CHD6: variants seen among roughly 807,000 people sequenced by gnomAD.
The protein encoded by CHD6 is chromodomain helicase DNA binding protein 6, also known as ATP-dependent chromatin remodeler CHD6.
In CHD6, 50 loss-of-function variants were observed where a neutral mutation model predicts 276.9. That is an observed-to-expected ratio of 0.18 (90% CI 0.14 to 0.23). CHD6 has a LOEUF of 0.23. Among genes scored for constraint, CHD6 ranks in the 10% least tolerant of loss-of-function variants. The pLI is 1.00. For synonymous variants in CHD6, 1,173 were observed against 1,229.3 expected, an observed-to-expected ratio of 0.95 and a Z score of 0.96; for missense variants, 2,564 against 3,365.8, an observed-to-expected ratio of 0.76 and a Z score of 5.89.
Position 41,413,418 on chromosome 20 carries a change from C to G in CHD6, c.7037G>C (p.Ser2346Thr). ...GGGAATGGATTTCTCGGCTTGGCTGCTGGCTGCCGTAGCTGGCTCAGGAGC... is the reference window on the plus strand; with the variant it reads ...GGGAATGGATTTCTCGGCTTGGCTGGTGGCTGCCGTAGCTGGCTCAGGAGC... ...TSAPEPATAA[S>T]SQAEKSIPSK... is the part of the protein sequence containing the mutation. Residue 2346 changes from serine (S) to threonine (T), a missense_variant, in exon 35 of 37, where the codon AGC (serine) becomes ACC (threonine). By Grantham distance (58) the Ser-to-Thr change is moderately conservative (BLOSUM62 1). Around this residue, in one of 7 missense-constraint regions of CHD6, gnomAD observed 1,024 missense variants for 1,047.9 expected, o/e 0.98. Coordinates refer to ENST00000373233, the MANE Select transcript of CHD6 (RefSeq NM_032221.5). 2 of 1,611,966 alleles carry G rather than the reference C, an allele frequency of 1.2e-6. No individual in the cohort carries two copies. The highest frequency in any genetic ancestry group is 2.2e-5 in the South Asian group (2 of 90,962).
In CHD6 at chr20:41,402,338, C is replaced by T. The variant is rs1356141301; in HGVS notation, c.*2255G>A. The T allele has an allele frequency of 4.4e-6, 1 of 228,088 alleles. No homozygotes were observed. The highest frequency in any genetic ancestry group is 8.7e-6 in the Non-Finnish European group (1 of 114,926). The allele number at this position is 228,088 out of a possible 1,614,324, so 14.1% of individuals were successfully genotyped here. On this transcript the variant is annotated 3_prime_UTR_variant, in exon 37 of 37. Coordinates refer to ENST00000373233, the MANE Select transcript of CHD6 (RefSeq NM_032221.5). ...GTCATATTCATTTTGCAAACAGGGT[C>T]ACAACAGCAGTCAAATAGAAGCCTG...
At chr20:41,426,303 T>C (rs2047362694) in intron 27 of CHD6, 150 bp from the exon 28 acceptor site, 2 of 668,856 alleles carry the variant, frequency 3.0e-6, no homozygotes, top group African/African-American at 3.6e-5. Flanking sequence ...TGATAAAGCT[T>C]ACTTCTGTAC....
chr20:41,491,568 A>ATTGATG (rs2043555938), intron 11 of CHD6, 130 bp downstream of exon 11: 2 of 965,286 alleles, frequency 2.1e-6, no homozygotes, highest in Non-Finnish European at 1.6e-6. Context: ...TAATGTGCAA[A>ATTGATG]GACTACCACC....
chr20:41,450,416 C>A (rs903117051), intron 23 of CHD6, among the ~76,000 whole-genome samples: 1 of 151,756 alleles, frequency 6.6e-6, no homozygotes, highest in East Asian at 1.9e-4. Flanking sequence ...CCCAAGTCCC[C>A]AAGACTAAAC....
At chr20:41,486,524 GAAGA>G (rs1221532449) in intron 14 of CHD6, among the ~76,000 whole-genome samples, 2 of 152,130 alleles carry the variant, frequency 1.3e-5, no homozygotes, top group African/African-American at 2.4e-5. Flanking sequence ...TCAGAAGTAG[GAAGA>G]AAGAGATTGG....
intron 30 of CHD6, among the ~76,000 whole-genome samples, chr20:41,423,089 A>G (rs1474274926): frequency 2.0e-5 from 3 of 152,224 alleles, no homozygotes; most frequent in Non-Finnish European, 2.9e-5. Context: ...TACTTTCTAT[A>G]GTTACAAGTC....
At chr20:41,489,635 A>C in intron 12 of CHD6, 143 bp downstream of exon 12, 2 of 1,017,066 alleles carry the variant, frequency 2.0e-6, no homozygotes, top group Admixed American at 2.0e-5. Flanking sequence ...CAGGGAGAGC[A>C]GGAGTCAGCC....
chr20:41,414,982 C>T, intron 34 of CHD6: 1 of 1,411,904 alleles, frequency 7.1e-7, no homozygotes, highest in Non-Finnish European at 9.2e-7. Context: ...TTTCTCCAGG[C>T]TGTAAGCAGA....
At chr20:41,532,699 G>C (rs1171967359) in intron 3 of CHD6, among the ~76,000 whole-genome samples, 1 of 152,124 alleles carries the variant, frequency 6.6e-6, no homozygotes, top group Admixed American at 6.5e-5. Flanking sequence ...ATGGGATATA[G>C]GGGGTACATC....
intron 17 of CHD6, among the ~76,000 whole-genome samples, chr20:41,461,281 G>A (rs529531089): frequency 5.9e-5 from 9 of 152,254 alleles, no homozygotes; most frequent in Admixed American, 2.6e-4. Context: ...TAAGACTTTC[G>A]GGGACTGTTG....
chr20:41,598,311 G>A (rs936738516), intron 1 of CHD6, among the ~76,000 whole-genome samples: 19 of 152,178 alleles, frequency 1.2e-4, no homozygotes, highest in African/African-American at 4.6e-4. Flanking sequence ...CAAACTACTA[G>A]TCTCTCCCTA....
At chr20:41,456,783 GA>G (rs988159479) in intron 18 of CHD6, among the ~76,000 whole-genome samples, 2 of 152,140 alleles carry the variant, frequency 1.3e-5, no homozygotes, top group African/African-American at 4.8e-5. Context: ...CCCAAAGGGG[GA>G]AAAATATTTT....
intron 3 of CHD6, among the ~76,000 whole-genome samples, chr20:41,522,783 G>A (rs2044436071): frequency 6.6e-6 from 1 of 152,116 alleles, no homozygotes; most frequent in Admixed American, 6.5e-5. Flanking sequence ...AGTGGATACT[G>A]TGTTTGGCAT....
chr20:41,446,811 ACAGAGGAACG>A (rs1460135267), intron 24 of CHD6, among the ~76,000 whole-genome samples: 1 of 152,184 alleles, frequency 6.6e-6, no homozygotes, highest in African/African-American at 2.4e-5. Flanking sequence ...GCAGTAAGAG[ACAGAGGAACG>A]CAGAGGAAGG....
intron 25 of CHD6, among the ~76,000 whole-genome samples, chr20:41,441,724 T>C (rs2047908283): frequency 6.6e-6 from 1 of 152,198 alleles, no homozygotes; most frequent in South Asian, 2.1e-4. Context: ...TGAGGAAGAA[T>C]GACTCTTTCA....
intron 27 of CHD6, among the ~76,000 whole-genome samples, chr20:41,433,227 A>G (rs1335726922): frequency 3.3e-5 from 5 of 152,232 alleles, no homozygotes; most frequent in Non-Finnish European, 7.3e-5. Context: ...AGAATGCTTC[A>G]CATTTAGCAA....
intron 1 of CHD6, among the ~76,000 whole-genome samples, chr20:41,606,120 G>C (rs1355817154): frequency 3.3e-5 from 5 of 152,204 alleles, no homozygotes; most frequent in Non-Finnish European, 5.9e-5. Context: ...GCTTATGCCT[G>C]TAATCCCAGC....
At chr20:41,542,833 G>A (rs536173831) in intron 2 of CHD6, among the ~76,000 whole-genome samples, 8 of 149,836 alleles carry the variant, frequency 5.3e-5, no homozygotes, top group Admixed American at 3.3e-4. Flanking sequence ...GGCCAGGCAC[G>A]GTGGCTCACG....
chr20:41,573,050 C>T lies in CHD6; in HGVS notation c.-23-21690G>A, dbSNP rs1162498909. 2.0e-5 allele frequency among the ~76,000 whole-genome samples: 3 copies of T among 152,058 alleles called. No individual in the cohort carries two copies. The East Asian group carries it at 5.8e-4, about 29-fold the overall frequency. Reference sequence around the variant, plus strand: ...TCAGCCTCCCGAGTAGCTGGGACTACAGTCGCCCGCCACCACGCCCAGCTA... The same window carrying T: ...TCAGCCTCCCGAGTAGCTGGGACTATAGTCGCCCGCCACCACGCCCAGCTA... On this transcript the variant is annotated intron_variant, in intron 1 of 36. Coordinates refer to ENST00000373233, the MANE Select transcript of CHD6 (RefSeq NM_032221.5).
Sources: gnomAD v4.1 joint callset for allele counts (sites outside exome capture counted in the v4.1 genomes callset) on GRCh38, gnomAD v4.1.1 for gene constraint, gnomAD v4.1.1 regional missense constraint, MANE v1.5 for transcripts, NCBI Gene and HGNC (gene_info 2026-07-23, HGNC 2026-07-21) for gene names.